The following FAR1 variants were observed in gnomAD, a reference collection of about 807,000 sequenced individuals.
FAR1 encodes male sterility domain-containing protein 2.
A neutral mutation model predicts 61.1 loss-of-function variants in FAR1; 22 were observed. That is an observed-to-expected ratio of 0.36 (90% confidence interval 0.26 to 0.51). The LOEUF (loss-of-function observed/expected upper bound fraction) is 0.51. Among genes scored for constraint, FAR1 ranks in the 20% least tolerant of loss-of-function variants. The pLI, the probability that FAR1 is intolerant of heterozygous loss-of-function variation, is 0.95. For missense variants in FAR1, 359 were observed against 626.9 expected (o/e 0.57, Z 4.56); for synonymous variants, 206 against 209.7 (o/e 0.98, Z 0.15).
intron 3 of FAR1, among the ~76,000 whole-genome samples, chr11:13,704,159 T>TACTAG (rs1205283006): frequency 6.6e-6 from 1 of 150,864 alleles, no homozygotes; most frequent in Non-Finnish European, 1.5e-5. Context: ...TAAGGGAAGG[T>TACTAG]ACTAGTAAAG....
chr11:13,715,622 A>T (rs956404359), intron 9 of FAR1, among the ~76,000 whole-genome samples: 2 of 152,162 alleles, frequency 1.3e-5, no homozygotes, highest in African/African-American at 4.8e-5. Context: ...TGGCATAGTT[A>T]TGAAAAAAAA....
intron 3 of FAR1, among the ~76,000 whole-genome samples, chr11:13,700,843 A>G (rs1413125733): frequency 1.3e-5 from 2 of 152,140 alleles, no homozygotes; most frequent in African/African-American, 4.8e-5. Flanking sequence ...CTTCTAATCT[A>G]CATCATATCC....
At chr11:13,673,740 A>T (rs1445789618) in intron 1 of FAR1, among the ~76,000 whole-genome samples, 4 of 152,298 alleles carry the variant, frequency 2.6e-5, no homozygotes, top group African/African-American at 9.6e-5. Context: ...TTTTTTGAAG[A>T]TGTATATTGT....
chr11:13,717,134 A>C lies in FAR1; in HGVS notation c.1127+2454A>C, dbSNP rs535058181. Among the ~76,000 whole-genome samples the C allele has an allele frequency of 1.5e-3, 220 of 151,340 alleles. 1 individual carries two copies. The highest frequency in any genetic ancestry group is 5.1e-3 in the African/African-American group (212 of 41,212). On this transcript the variant is annotated intron_variant, in intron 9 of 11. Transcript: ENST00000354817. ...TGGAAAGGACAGTTGCTTCTTCCCC[A>C]CTCATCCTGCCTTCCCCCTCGCGCC...
In FAR1 at chr11:13,671,771, T is replaced by C. The variant is rs1472296439; in HGVS notation, c.-8+2965T>C. ...ACAGCTAGGAGGGGACAGGTCAGGA[T>C]TGGCAGAATCAGTCAGTAAATGTTA... On this transcript the variant is annotated intron_variant, in intron 1 of 11. Coordinates refer to ENST00000354817, the MANE Select transcript of FAR1 (RefSeq NM_032228.6). Among the ~76,000 whole-genome samples, 56 of 152,178 alleles carry C rather than the reference T, an allele frequency of 3.7e-4. 1 individual carries two copies. Among genetic ancestry groups the C allele is most frequent in the Admixed American group, 3.7e-3 (56 of 15,276 alleles).
intron 1 of FAR1, among the ~76,000 whole-genome samples, chr11:13,680,698 A>G (rs1271260648): frequency 1.3e-5 from 2 of 152,078 alleles, no homozygotes; most frequent in Non-Finnish European, 2.9e-5. Context: ...AGTTCTCACT[A>G]TGAGTGAGAA....
intron 1 of FAR1, among the ~76,000 whole-genome samples, chr11:13,677,702 C>T (rs1848083355): frequency 2.6e-5 from 4 of 152,170 alleles, no homozygotes; most frequent in Non-Finnish European, 5.9e-5. Flanking sequence ...GCCTGTCAAG[C>T]TTTTTTAGTC....
intron 1 of FAR1, among the ~76,000 whole-genome samples, chr11:13,686,993 C>A (rs889019091): frequency 6.6e-6 from 1 of 152,168 alleles, no homozygotes; most frequent in African/African-American, 2.4e-5. Context: ...AGAGTAGTAG[C>A]TTTATCTTAG....
intron 8 of FAR1, among the ~76,000 whole-genome samples, chr11:13,713,992 T>TTAA (rs1848529723): frequency 6.6e-6 from 1 of 152,130 alleles, no homozygotes; most frequent in African/African-American, 2.4e-5. Context: ...TAGTAAAGTA[T>TTAA]TAATATAGAT....
chr11:13,718,370 G>A (rs755100779), intron 9 of FAR1, among the ~76,000 whole-genome samples: 2 of 152,160 alleles, frequency 1.3e-5, no homozygotes, highest in Non-Finnish European at 2.9e-5. Flanking sequence ...ATTTCTGCTA[G>A]ATCATTGAGT....
intron 9 of FAR1, among the ~76,000 whole-genome samples, chr11:13,717,823 G>A (rs1292963166): frequency 1.3e-5 from 2 of 152,164 alleles, no homozygotes; most frequent in Non-Finnish European, 2.9e-5. Context: ...ACAAAAACAG[G>A]TGGTGGGCTG....
At chr11:13,697,322 C>T (rs1848318409) in intron 2 of FAR1, among the ~76,000 whole-genome samples, 1 of 151,710 alleles carries the variant, frequency 6.6e-6, no homozygotes, top group South Asian at 2.1e-4. Flanking sequence ...ATTAGCCGGG[C>T]GTGGTGGTGC....
At chr11:13,705,443 C>G (rs969109759) in intron 3 of FAR1, among the ~76,000 whole-genome samples, 1 of 152,120 alleles carries the variant, frequency 6.6e-6, no homozygotes, top group African/African-American at 2.4e-5. Flanking sequence ...GTGTTCCTCT[C>G]AAATTATCCC....
intron 11 of FAR1, among the ~76,000 whole-genome samples, chr11:13,727,914 A>G (rs1848683718): frequency 6.6e-6 from 1 of 151,880 alleles, no homozygotes; most frequent in Non-Finnish European, 1.5e-5. Context: ...TTTGCAGGGC[A>G]GCCAGTTCTA....
At chr11:13,717,816 A>G (rs1393703473) in intron 9 of FAR1, among the ~76,000 whole-genome samples, 1 of 152,256 alleles carries the variant, frequency 6.6e-6, no homozygotes, top group African/African-American at 2.4e-5. Flanking sequence ...TTTATTTACA[A>G]AAACAGGTGG....
rs1431306596 is a variant in FAR1 at position 13,687,891 on chromosome 11, T to C, written c.-7-6868T>C. ...CACCGCATGCTCTCATAGGTGGGAA[T>C]TGAACAATGAGAACACATGGACACA... On this transcript the variant is annotated intron_variant, in intron 1 of 11. Transcript: ENST00000354817. 2.9e-5 allele frequency among the ~76,000 whole-genome samples: 4 copies of C among 137,504 alleles called. No individual in the cohort carries two copies. In the East Asian group the frequency reaches 6.5e-4, roughly 22 times the overall value. The allele number at this position is 137,504 out of a possible 152,430, so 90.2% of individuals were successfully genotyped here.
chr11:13,704,044 C>CAA (rs55995847), intron 3 of FAR1, among the ~76,000 whole-genome samples: 5 of 79,602 alleles, frequency 6.3e-5, no homozygotes, highest in Admixed American at 1.4e-4. Flanking sequence ...AACTCCGTCT[C>CAA]AAAAAAAAAA....
intron 10 of FAR1, among the ~76,000 whole-genome samples, chr11:13,727,314 T>C (rs1044886623): frequency 4.6e-5 from 7 of 152,018 alleles, no homozygotes; most frequent in Admixed American, 6.6e-5. Flanking sequence ...AACCTACTTC[T>C]CTTTAAATGC....
At chr11:13,676,672 A>G (rs1250543274) in intron 1 of FAR1, among the ~76,000 whole-genome samples, 1 of 152,190 alleles carries the variant, frequency 6.6e-6, no homozygotes, top group African/African-American at 2.4e-5. Flanking sequence ...TGTAATTATG[A>G]TAATGATTAT....
Sources: gnomAD v4.1 joint callset for allele counts (sites outside exome capture counted in the v4.1 genomes callset) on GRCh38, gnomAD v4.1.1 for gene constraint, MANE v1.5 for transcripts, NCBI Gene and HGNC (gene_info 2026-07-23, HGNC 2026-07-21) for gene names.